The following KCNH1 variants were observed in gnomAD, a reference collection of about 807,000 sequenced individuals.
KCNH1 encodes voltage-gated delayed rectifier potassium channel KCNH1.
A neutral mutation model predicts 69.2 loss-of-function variants in KCNH1; 27 were observed. The ratio of observed to expected loss-of-function variants is 0.39; its 90% CI spans 0.29 to 0.54. The LOEUF is 0.54. Among genes scored for constraint, KCNH1 ranks in the 20% least tolerant of loss-of-function variants. KCNH1 has a pLI of 0.68. For synonymous variants in KCNH1, 456 were observed against 487.7 expected (o/e 0.93, Z 0.86); for missense variants, 798 against 1,261.6 (o/e 0.63, Z 5.57).
chr1:211,011,632 A>G (rs564771142), intron 6 of KCNH1, among the ~76,000 whole-genome samples: 1 of 152,116 alleles, frequency 6.6e-6, no homozygotes, highest in Non-Finnish European at 1.5e-5. Context: ...TTTTAACTCT[A>G]GAATCACAGT....
At chr1:211,049,807 G>A (rs1690162814) in intron 5 of KCNH1, among the ~76,000 whole-genome samples, 1 of 152,176 alleles carries the variant, frequency 6.6e-6, no homozygotes, top group Non-Finnish European at 1.5e-5. Context: ...AGAGCTTGAA[G>A]ACCTGGCCAA....
At chr1:210,717,090 C>A (rs527664378) in intron 10 of KCNH1, among the ~76,000 whole-genome samples, 7 of 152,176 alleles carry the variant, frequency 4.6e-5, no homozygotes, top group Non-Finnish European at 1.0e-4. Flanking sequence ...ACAAGTAGCC[C>A]TTCTTTGCCT....
chr1:210,799,216 T>C (rs1298932750), intron 8 of KCNH1, among the ~76,000 whole-genome samples: 1 of 152,200 alleles, frequency 6.6e-6, no homozygotes, highest in African/African-American at 2.4e-5. Flanking sequence ...CTGTATGATA[T>C]AAGTGCTATT....
At chr1:210,925,699 C>T (rs945969312) in intron 6 of KCNH1, among the ~76,000 whole-genome samples, 1 of 152,204 alleles carries the variant, frequency 6.6e-6, no homozygotes, top group Non-Finnish European at 1.5e-5. Context: ...ACCACACTCC[C>T]AACTCCCACA....
At chr1:210,812,101 C>T (rs146366036) in intron 7 of KCNH1, among the ~76,000 whole-genome samples, 1 of 152,280 alleles carries the variant, frequency 6.6e-6, no homozygotes, top group African/African-American at 2.4e-5. Context: ...GCTTCTATTG[C>T]AATTCCTTCT....
chr1:211,095,191 T>C (rs539337663), intron 3 of KCNH1, among the ~76,000 whole-genome samples: 4 of 152,216 alleles, frequency 2.6e-5, no homozygotes, highest in Non-Finnish European at 5.9e-5. Context: ...AGAAGTTAAA[T>C]TTCTGCCTCC....
intron 6 of KCNH1, among the ~76,000 whole-genome samples, chr1:210,943,301 G>A (rs376926347): frequency 6.6e-6 from 1 of 151,644 alleles, no homozygotes; most frequent in South Asian, 2.1e-4. Context: ...AACTATAATG[G>A]AACTGATGAG....
rs187759857 is a variant in KCNH1, at chr1:210,717,647, C to T, written c.2113-33509G>A. 4.6e-3 allele frequency among the ~76,000 whole-genome samples: 703 copies of T among 152,224 alleles called. 6 individuals are homozygous for T. The highest frequency in any genetic ancestry group is 0.016 in the African/African-American group (661 of 41,498). ...TATCCCCTTCTGGTATTTCTTGTTACCCCTTGACACTTTCTTGATTCTACA... is the reference window on the plus strand; with the variant it reads ...TATCCCCTTCTGGTATTTCTTGTTATCCCTTGACACTTTCTTGATTCTACA... On this transcript the variant is annotated intron_variant, in intron 10 of 10. Transcript: ENST00000271751.
chr1:211,094,688 C>A (rs956277559), intron 3 of KCNH1, among the ~76,000 whole-genome samples: 1 of 152,140 alleles, frequency 6.6e-6, no homozygotes, highest in Non-Finnish European at 1.5e-5. Flanking sequence ...GGGTTAGGTG[C>A]TCTAGGAATG....
intron 10 of KCNH1, among the ~76,000 whole-genome samples, chr1:210,722,261 G>T (rs1682487500): frequency 6.6e-6 from 1 of 152,184 alleles, no homozygotes; most frequent in Non-Finnish European, 1.5e-5. Flanking sequence ...AGGTGAGAAG[G>T]GAAAGGTATT....
chr1:210,863,255 G>C (rs775141752), intron 7 of KCNH1, among the ~76,000 whole-genome samples: 8 of 152,186 alleles, frequency 5.3e-5, no homozygotes, highest in African/African-American at 1.9e-4. Flanking sequence ...TGGGCACTAG[G>C]GGGTGGAGGA....
At chr1:210,729,404 T>C (rs1260099543) in intron 10 of KCNH1, among the ~76,000 whole-genome samples, 1 of 152,188 alleles carries the variant, frequency 6.6e-6, no homozygotes, top group Non-Finnish European at 1.5e-5. Context: ...TTTCAATACT[T>C]ACGGCAATAA....
At chr1:210,859,544 A>G (rs1377627374) in intron 7 of KCNH1, 5 of 1,590,460 alleles carry the variant, frequency 3.1e-6, no homozygotes, top group African/African-American at 1.3e-5. Flanking sequence ...AGAATCTCCA[A>G]ATATTCTTTC....
At chr1:210,751,144 C>T (rs1683275124) in intron 10 of KCNH1, among the ~76,000 whole-genome samples, 1 of 152,104 alleles carries the variant, frequency 6.6e-6, no homozygotes, top group South Asian at 2.1e-4. Context: ...TCCAGTACTC[C>T]CAGGCCCTCT....
chr1:211,002,341 TATATATATATATA>T (rs1689203732), intron 6 of KCNH1, among the ~76,000 whole-genome samples: 1 of 116,936 alleles, frequency 8.6e-6, no homozygotes, highest in Non-Finnish European at 1.6e-5. Flanking sequence ...TGTGTGTGTA[TATATATATATATA>T]CACACACACA....
At chr1:210,720,980 C>G (rs1682440934) in intron 10 of KCNH1, among the ~76,000 whole-genome samples, 1 of 152,152 alleles carries the variant, frequency 6.6e-6, no homozygotes. Flanking sequence ...CTTTAGCAAC[C>G]AGTATTACTT....
chr1:210,927,690 T>C (rs527887920), intron 6 of KCNH1, among the ~76,000 whole-genome samples: 3 of 152,230 alleles, frequency 2.0e-5, no homozygotes, highest in African/African-American at 7.2e-5. Flanking sequence ...ACATGATGAA[T>C]AGAATAATAC....
chr1:210,758,868 C>G (rs969949146), intron 10 of KCNH1, among the ~76,000 whole-genome samples: 2 of 152,178 alleles, frequency 1.3e-5, no homozygotes, highest in Non-Finnish European at 2.9e-5. Flanking sequence ...ATGCTTCTCC[C>G]TTGCCTCTGT....
intron 7 of KCNH1, among the ~76,000 whole-genome samples, chr1:210,835,045 G>T (rs548827992): frequency 5.2e-4 from 79 of 152,290 alleles, no homozygotes; most frequent in African/African-American, 1.9e-3. Flanking sequence ...GAAGATAGGA[G>T]AGAACTGGAC....
Sources: allele counts gnomAD v4.1 joint callset (sites outside exome capture counted in the v4.1 genomes callset), GRCh38; gene constraint gnomAD v4.1.1; transcripts MANE v1.5; gene names NCBI Gene and HGNC (gene_info 2026-07-23, HGNC 2026-07-21).